Variants in LCMT1 observed in about 807,000 individuals in gnomAD.
LCMT1 encodes [Phosphatase 2A protein]-leucine-carboxy methyltransferase 1.
LCMT1 carries 32 observed loss-of-function variants against 47.7 expected under a neutral mutation model. The observed-to-expected ratio is 0.67, with a 90% confidence interval of 0.51 to 0.90. The LOEUF (loss-of-function observed/expected upper bound fraction) is 0.90, where lower values mean the gene tolerates loss of function less well. Among genes scored for constraint, LCMT1 ranks in the 40% least tolerant of loss-of-function variants. LCMT1 has a pLI of 0.00. For missense variants in LCMT1, 375 were observed against 415.2 expected (o/e 0.90, Z 0.84); for synonymous variants, 152 against 149.7 (o/e 1.02, Z -0.11).
intron 1 of LCMT1, among the ~76,000 whole-genome samples, chr16:25,120,590 G>A (rs542598803): frequency 6.6e-6 from 1 of 151,704 alleles, no homozygotes; most frequent in East Asian, 1.9e-4. Flanking sequence ...GCCACCACAC[G>A]CGGCTAATTT....
chr16:25,153,909 T>C (rs1961155770), intron 5 of LCMT1, among the ~76,000 whole-genome samples: 1 of 151,998 alleles, frequency 6.6e-6, no homozygotes, highest in Admixed American at 6.6e-5. Context: ...GCCGAGATCA[T>C]GCCGCTGCAC....
At chr16:25,165,976 G>A (rs1238418638) in intron 7 of LCMT1, among the ~76,000 whole-genome samples, 4 of 152,114 alleles carry the variant, frequency 2.6e-5, no homozygotes, top group Admixed American at 2.6e-4. Context: ...CCAGTTCTTT[G>A]TTTTGAACTG....
intron 3 of LCMT1, among the ~76,000 whole-genome samples, chr16:25,134,331 A>C (rs960889430): frequency 1.3e-5 from 2 of 152,224 alleles, no homozygotes; most frequent in African/African-American, 2.4e-5. Context: ...CTCAAGATAT[A>C]ATCACTAACA....
intron 1 of LCMT1, among the ~76,000 whole-genome samples, chr16:25,121,060 C>A (rs1408701959): frequency 6.6e-6 from 1 of 151,712 alleles, no homozygotes; most frequent in Non-Finnish European, 1.5e-5. Context: ...CACACCTGGC[C>A]TTGTTTTCAT....
At chr16:25,122,114 A>G (rs1960009215) in intron 1 of LCMT1, among the ~76,000 whole-genome samples, 1 of 152,196 alleles carries the variant, frequency 6.6e-6, no homozygotes, top group African/African-American at 2.4e-5. Context: ...AAGAGGTTAT[A>G]TCAGTTGTAC....
chr16:25,118,995 CCT>C (rs1403914760), intron 1 of LCMT1, among the ~76,000 whole-genome samples: 1 of 152,126 alleles, frequency 6.6e-6, no homozygotes, highest in Non-Finnish European at 1.5e-5. Context: ...ATTGCTTCAG[CCT>C]CTGTTAGGAG....
intron 4 of LCMT1, chr16:25,140,451 T>G: frequency 1.8e-6 from 1 of 556,066 alleles, no homozygotes; most frequent in East Asian, 2.9e-5. Flanking sequence ...TTATTACAGA[T>G]CACAGGCTCT....
Position 25,111,777 on chromosome 16 carries a change from C to G in LCMT1, c.-107C>G, listed in dbSNP as rs529985770. ...CGCGCCAGCTGAGCCAGGTAGGGCC[C>G]TACCCTCTTCTGTTGCTTTCTCCCT... is the stretch of plus-strand genomic sequence containing the variant. On this transcript the variant is annotated 5_prime_UTR_variant, in exon 1 of 11. Coordinates refer to ENST00000399069, the MANE Select transcript of LCMT1 (RefSeq NM_016309.3). 180 of 764,592 alleles carry G rather than the reference C, an allele frequency of 2.4e-4. 1 individual carries two copies. The South Asian group carries it at 2.6e-3, about 11-fold the overall frequency. The allele number at this position is 764,592 out of a possible 1,614,324, so 47.4% of individuals were successfully genotyped here.
chr16:25,123,600 CTTTTTTTT>C (rs1173228613), intron 1 of LCMT1, among the ~76,000 whole-genome samples: 8 of 63,510 alleles, frequency 1.3e-4, no homozygotes, highest in Non-Finnish European at 1.9e-4. Context: ...AAATTGCTTT[CTTTTTTTT>C]TTTTTTTTTT....
intron 3 of LCMT1, among the ~76,000 whole-genome samples, chr16:25,133,982 AGATCATGCCAC>A (rs1960429049): frequency 6.7e-6 from 1 of 149,912 alleles, no homozygotes; most frequent in Non-Finnish European, 1.5e-5. Context: ...CAGTGAGTCG[AGATCATGCCAC>A]CGCACTCCAG....
intron 1 of LCMT1, among the ~76,000 whole-genome samples, chr16:25,127,967 AG>A (rs1450539050): frequency 6.6e-6 from 1 of 152,220 alleles, no homozygotes; most frequent in African/African-American, 2.4e-5. Flanking sequence ...ATTTCTTCCT[AG>A]TTTCCCCACT....
chr16:25,128,472 C>T lies in LCMT1; in HGVS notation c.114-3C>T. 6.2e-7 allele frequency: 1 copy of T among 1,603,604 alleles called. No individual in the cohort carries two copies. The highest frequency in any genetic ancestry group is 8.5e-7 in the Non-Finnish European group (1 of 1,174,420). On this transcript the variant is annotated splice_polypyrimidine_tract_variant and splice_region_variant and intron_variant, in intron 1 of 10. Coordinates refer to ENST00000399069, the MANE Select transcript of LCMT1 (RefSeq NM_016309.3). Reference sequence around the variant, plus strand: ...CACCTTCCTCCTTTTTTCTCCCTTCCAGGTTTGCAGTAAGCATTGGCTACT... The same window carrying T: ...CACCTTCCTCCTTTTTTCTCCCTTCTAGGTTTGCAGTAAGCATTGGCTACT...
Position 25,111,831 on chromosome 16 carries a change from C to T in LCMT1, c.-53C>T, listed in dbSNP as rs1042712018. 4.6e-5 allele frequency: 58 copies of T among 1,265,246 alleles called. No homozygotes were observed. The African/African-American group carries it at 8.3e-4, about 18-fold the overall frequency. 78.4% of individuals were successfully genotyped at this position (1,265,246 alleles called of 1,614,324 possible). Reference sequence around the variant, plus strand: ...GCTCGCGCCGTCCCCCGCCGCCCGTCGACCCCGCTTCCATGTCCCTGGCGG... The same window carrying T: ...GCTCGCGCCGTCCCCCGCCGCCCGTTGACCCCGCTTCCATGTCCCTGGCGG... On this transcript the variant is annotated 5_prime_UTR_variant, in exon 1 of 11. Coordinates refer to ENST00000399069, the MANE Select transcript of LCMT1 (RefSeq NM_016309.3).
At chr16:25,116,190 T>G (rs906376995) in intron 1 of LCMT1, among the ~76,000 whole-genome samples, 1 of 151,852 alleles carries the variant, frequency 6.6e-6, no homozygotes, top group Non-Finnish European at 1.5e-5. Flanking sequence ...TGGGGGAGGG[T>G]CAAGGGATTT....
At chr16:25,120,781 T>C (rs916187659) in intron 1 of LCMT1, among the ~76,000 whole-genome samples, 2 of 141,046 alleles carry the variant, frequency 1.4e-5, no homozygotes, top group Non-Finnish European at 3.1e-5. Context: ...GAGGTCTTAC[T>C]CTGTGGCCCA....
At position 25,178,152 on chromosome 16, in the gene LCMT1, C is replaced by A; in HGVS notation, c.*129C>A. Reference sequence around the variant, plus strand: ...TCCCACACTCTTGAGAAGCCTTGGTCACTACAGTGGTCGCACATGTTCCTC... The same window carrying A: ...TCCCACACTCTTGAGAAGCCTTGGTAACTACAGTGGTCGCACATGTTCCTC... On this transcript the variant is annotated 3_prime_UTR_variant, in exon 11 of 11. Transcript: ENST00000399069. 1 of 779,468 alleles carries A rather than the reference C, an allele frequency of 1.3e-6. No individual in the cohort carries two copies. Among genetic ancestry groups the A allele is most frequent in the Non-Finnish European group, 2.2e-6 (1 of 460,308 alleles). The allele number at this position is 779,468 out of a possible 1,614,324, so 48.3% of individuals were successfully genotyped here.
In LCMT1 at chr16:25,161,171, A is replaced by G. The variant is rs1344967986; in HGVS notation, c.536A>G (p.Glu179Gly). ...GATCTCCGAGACCTGTCTGAACTGG[A>G]AGAGAAGCTAAAGAAATGTAACATG... ...GADLRDLSEL[E>G]EKLKKCNMNT... The change falls in exon 6 of 11, where the codon GAA (glutamate) becomes GGA (glycine). Residue 179 changes from glutamate to glycine, a missense_variant. Transcript: ENST00000399069. The G allele has an allele frequency of 5.0e-6, 8 of 1,608,420 alleles. No homozygotes were observed. The highest frequency in any genetic ancestry group is 5.9e-6 in the Non-Finnish European group (7 of 1,177,558).
intron 1 of LCMT1, among the ~76,000 whole-genome samples, chr16:25,123,499 A>T (rs991912468): frequency 1.3e-5 from 2 of 151,610 alleles, no homozygotes; most frequent in Admixed American, 6.6e-5. Context: ...CGTTGGGATT[A>T]CAGGCGTGAG....
At chr16:25,156,082 C>T (rs930041850) in intron 5 of LCMT1, among the ~76,000 whole-genome samples, 1 of 152,148 alleles carries the variant, frequency 6.6e-6, no homozygotes. Flanking sequence ...CTTTTCATTT[C>T]CTCTCTCCTC....
Sources: gnomAD v4.1 joint callset for allele counts (sites outside exome capture counted in the v4.1 genomes callset) on GRCh38, gnomAD v4.1.1 for gene constraint, MANE v1.5 for transcripts, NCBI Gene and HGNC (gene_info 2026-07-23, HGNC 2026-07-21) for gene names.